Variants in MB21D2 observed in about 807,000 individuals in gnomAD.
MB21D2 encodes the protein Mab-21 domain containing 2, also known as nucleotidyltransferase MB21D2.
Under a neutral mutation model 33.3 loss-of-function variants are expected in MB21D2, and 9 were observed. The ratio of observed to expected loss-of-function variants is 0.27; its 90% confidence interval spans 0.16 to 0.47. The LOEUF (loss-of-function observed/expected upper bound fraction) is 0.47, where lower values mean the gene tolerates loss of function less well. Among genes scored for constraint, MB21D2 ranks in the 20% least tolerant of loss-of-function variants. MB21D2 has a pLI of 0.99. For missense variants in MB21D2, 540 were observed against 624.6 expected, an observed-to-expected ratio of 0.86 and a Z score of 1.44; for synonymous variants, 241 against 236.3, an observed-to-expected ratio of 1.02 and a Z score of -0.18.
At chr3:192,830,045 A>G (rs1478294290) in intron 1 of MB21D2, among the ~76,000 whole-genome samples, 1 of 151,796 alleles carries the variant, frequency 6.6e-6, no homozygotes, top group Non-Finnish European at 1.5e-5. Context: ...TGTGCTTTTT[A>G]TTTTCTTAGA....
At chr3:192,843,762 T>C (rs1286696472) in intron 1 of MB21D2, among the ~76,000 whole-genome samples, 1 of 152,086 alleles carries the variant, frequency 6.6e-6, no homozygotes, top group Non-Finnish European at 1.5e-5. Flanking sequence ...GAGGCCTGTT[T>C]ACCCAAATTA....
rs150330519 is a variant in MB21D2, at chr3:192,884,674, C to T, written c.211+32956G>A. Among the ~76,000 whole-genome samples the T allele has an allele frequency of 3.3e-5, 5 of 152,198 alleles. No individual in the cohort carries two copies. In the East Asian group the frequency reaches 7.7e-4, roughly 23 times the overall value. ...GAGCCATCGCACCCGGCCAGAGGTG[C>T]ATGTCTTGTTCCATCCTGATCAAAG... On this transcript the variant is annotated intron_variant, in intron 1 of 1. Coordinates refer to ENST00000392452, the MANE Select transcript of MB21D2 (RefSeq NM_178496.4).
intron 1 of MB21D2, among the ~76,000 whole-genome samples, chr3:192,840,767 T>G (rs1018125168): frequency 2.6e-5 from 4 of 152,184 alleles, no homozygotes; most frequent in African/African-American, 9.7e-5. Context: ...GCTGAACAGA[T>G]GAAGACCAGG....
intron 1 of MB21D2, among the ~76,000 whole-genome samples, chr3:192,830,527 C>T (rs1041061238): frequency 1.3e-5 from 2 of 152,164 alleles, no homozygotes; most frequent in South Asian, 4.1e-4. Context: ...TTCATACACC[C>T]CTTTCTGCAA....
chr3:192,807,864 A>G (rs1424419020), intron 1 of MB21D2, among the ~76,000 whole-genome samples: 3 of 152,136 alleles, frequency 2.0e-5, no homozygotes, highest in Admixed American at 2.0e-4. Flanking sequence ...ATCAATCAGG[A>G]CAGGTGAAGT....
intron 1 of MB21D2, 99 bp downstream of exon 1, chr3:192,917,531 A>C (rs1714495839): frequency 7.5e-7 from 1 of 1,329,842 alleles, no homozygotes; most frequent in Non-Finnish European, 1.1e-6. Context: ...CGGGAAGGCA[A>C]CCCAGAAGGG....
chr3:192,893,462 T>G (rs1050048936), intron 1 of MB21D2, among the ~76,000 whole-genome samples: 2 of 152,056 alleles, frequency 1.3e-5, no homozygotes, highest in Non-Finnish European at 2.9e-5. Context: ...TTTCCTCAAT[T>G]TATAGTTGGG....
Position 192,890,586 on chromosome 3 carries a change from G to GA in MB21D2, c.211+27043dup, listed in dbSNP as rs796870011. ...ATCTGTTCTGTAAGCAATGATTACA[G>GA]AAAAAAAAAAAAAAATCCTACCTAT... On this transcript the variant is annotated intron_variant, in intron 1 of 1. Transcript: ENST00000392452. 3.4e-3 allele frequency among the ~76,000 whole-genome samples: 419 copies of GA among 124,936 alleles called. 2 individuals are homozygous for GA. The highest frequency in any genetic ancestry group is 4.0e-3 in the South Asian group (16 of 3,972). 82.0% of individuals were successfully genotyped at this position (124,936 alleles called of 152,430 possible).
intron 1 of MB21D2, among the ~76,000 whole-genome samples, chr3:192,840,425 T>TC (rs1712544271): frequency 7.1e-6 from 1 of 140,588 alleles, no homozygotes; most frequent in Non-Finnish European, 1.5e-5. Context: ...CTTTTTTTTT[T>TC]TTTTTTTTTT....
chr3:192,880,010 A>T (rs1214148244), intron 1 of MB21D2, among the ~76,000 whole-genome samples: 2 of 152,162 alleles, frequency 1.3e-5, no homozygotes, highest in Non-Finnish European at 2.9e-5. Context: ...GAGAAATGGC[A>T]GGATTTCTTG....
At chr3:192,893,639 C>T (rs1047007287) in intron 1 of MB21D2, among the ~76,000 whole-genome samples, 1 of 152,194 alleles carries the variant, frequency 6.6e-6, no homozygotes, top group Non-Finnish European at 1.5e-5. Flanking sequence ...CTCAGGTGGG[C>T]TTCACTGCCC....
In MB21D2 at chr3:192,799,017, T is replaced by C; in HGVS notation, c.845A>G (p.Lys282Arg). 6.2e-7 allele frequency: 1 copy of C among 1,614,108 alleles called. No homozygotes were observed. Among genetic ancestry groups the C allele is most frequent in the East Asian group, 2.2e-5 (1 of 44,858 alleles). Residue 282 changes from lysine to arginine, a missense_variant, in exon 2 of 2, where the codon AAG becomes AGG. Coordinates refer to ENST00000392452, the MANE Select transcript of MB21D2 (RefSeq NM_178496.4). This position sits in a 1 kb window ranked among gnomAD's most constrained non-coding sequence, Gnocchi z 4.1. ...GGACAGCCGCCATTCATTGTCCTTC[T>C]TACCCTTGTAGGAGCAAGCAGGCAC... ...YLVPACSYKG[K>R]KDNEWRLSFA...
At chr3:192,834,316 CAA>C (rs556929185) in intron 1 of MB21D2, among the ~76,000 whole-genome samples, 2 of 110,668 alleles carry the variant, frequency 1.8e-5, no homozygotes. Context: ...GACTGCATCT[CAA>C]AAAAAAAAAA....
intron 1 of MB21D2, among the ~76,000 whole-genome samples, chr3:192,808,996 A>G (rs569723622): frequency 3.9e-5 from 6 of 152,166 alleles, no homozygotes; most frequent in African/African-American, 1.4e-4. Flanking sequence ...TGAGAAGGGC[A>G]CAAACATTCA....
At chr3:192,914,567 T>C (rs762499826) in intron 1 of MB21D2, among the ~76,000 whole-genome samples, 1 of 152,222 alleles carries the variant, frequency 6.6e-6, no homozygotes, top group South Asian at 2.1e-4. Context: ...TTTTGATAAA[T>C]GGTGTTTATT....
At chr3:192,827,841 T>C (rs1712210621) in intron 1 of MB21D2, among the ~76,000 whole-genome samples, 1 of 152,106 alleles carries the variant, frequency 6.6e-6, no homozygotes, top group Non-Finnish European at 1.5e-5. Flanking sequence ...TTGTTTGATA[T>C]GGTTTGGCTG....
intron 1 of MB21D2, among the ~76,000 whole-genome samples, chr3:192,894,931 TTGTC>T (rs1176111711): frequency 6.6e-6 from 1 of 152,192 alleles, no homozygotes; most frequent in South Asian, 2.1e-4. Context: ...AATCTCCTCT[TTGTC>T]TGACATCTCA....
chr3:192,817,951 C>G (rs564405628), intron 1 of MB21D2, among the ~76,000 whole-genome samples: 105 of 150,858 alleles, frequency 7.0e-4, no homozygotes, highest in African/African-American at 2.5e-3. Context: ...CCCCAGCCCC[C>G]AAACGGATCC....
At chr3:192,916,221 A>G (rs939409364) in intron 1 of MB21D2, among the ~76,000 whole-genome samples, 6 of 151,976 alleles carry the variant, frequency 3.9e-5, no homozygotes, top group African/African-American at 1.5e-4. Flanking sequence ...TGCGGCGCAA[A>G]AGGTAAAAAC....
Sources: allele counts gnomAD v4.1 joint callset (sites outside exome capture counted in the v4.1 genomes callset), GRCh38; gene constraint gnomAD v4.1.1; non-coding constraint Gnocchi (gnomAD v3.1); transcripts MANE v1.5; gene names NCBI Gene and HGNC (gene_info 2026-07-23, HGNC 2026-07-21).